FAM133B: variants seen among roughly 807,000 people sequenced by gnomAD.
FAM133B encodes the protein family with sequence similarity 133 member B.
Under a neutral mutation model 46.4 loss-of-function variants are expected in FAM133B, and 25 were observed. That is an observed-to-expected ratio of 0.54 (90% CI 0.39 to 0.75). The LOEUF (loss-of-function observed/expected upper bound fraction) is 0.75, where lower values mean the gene tolerates loss of function less well. Among genes scored for constraint, FAM133B ranks in the 30% least tolerant of loss-of-function variants. The pLI, the probability that FAM133B is intolerant of heterozygous loss-of-function variation, is 0.00. For missense variants in FAM133B, 205 were observed against 277.6 expected, an observed-to-expected ratio of 0.74 and a Z score of 1.86; for synonymous variants, 75 against 86.0, an observed-to-expected ratio of 0.87 and a Z score of 0.71.
intron 9 of FAM133B, among the ~76,000 whole-genome samples, chr7:92,567,562 C>G (rs975184257): frequency 1.3e-5 from 2 of 152,088 alleles, no homozygotes; most frequent in African/African-American, 4.8e-5. Context: ...CTCTCTTTAC[C>G]GAGCACCTAG....
intron 1 of FAM133B, chr7:92,581,846 T>C (rs1794886641): frequency 5.0e-6 from 2 of 401,996 alleles, no homozygotes; most frequent in African/African-American, 2.1e-5. Flanking sequence ...TACAAGAGAT[T>C]TGATGAAATA....
intron 8 of FAM133B, among the ~76,000 whole-genome samples, chr7:92,574,360 AG>A (rs1794628273): frequency 6.6e-6 from 1 of 152,248 alleles, no homozygotes; most frequent in African/African-American, 2.4e-5. Context: ...TGATAAATCC[AG>A]AATAGGCAAA....
chr7:92,567,485 TA>T (rs1017808314), intron 9 of FAM133B, among the ~76,000 whole-genome samples: 5 of 151,802 alleles, frequency 3.3e-5, no homozygotes, highest in African/African-American at 1.2e-4. Flanking sequence ...GCATGAGGAC[TA>T]AAAAAAATAT....
Position 92,577,724 on chromosome 7 carries a change from C to A in FAM133B, c.310-7G>T, listed in dbSNP as rs1794744533. 1 of 1,567,688 alleles carries A rather than the reference C, an allele frequency of 6.4e-7. No individual in the cohort carries two copies. Among genetic ancestry groups the A allele is most frequent in the Non-Finnish European group, 8.7e-7 (1 of 1,155,644 alleles). ...ATGAAGAAGAAGATGAATACTTGAC[C>A]AAGCACAAAACAATTAAAGCTTGTG... On this transcript the variant is annotated splice_region_variant and splice_polypyrimidine_tract_variant and intron_variant, in intron 5 of 10. Coordinates refer to ENST00000445716, the MANE Select transcript of FAM133B (RefSeq NM_152789.4).
At chr7:92,576,568 C>G (rs1794702936) in intron 7 of FAM133B, among the ~76,000 whole-genome samples, 1 of 152,146 alleles carries the variant, frequency 6.6e-6, no homozygotes, top group Non-Finnish European at 1.5e-5. Flanking sequence ...TCACACAGGG[C>G]ATCTGTTAAA....
In FAM133B at chr7:92,573,024, A is replaced by G. The variant is rs1794580219; in HGVS notation, c.516+2747T>C. ...TCTTCCCATTCCAGTAGGTATAACTAATTAAAAAAAAAAGAAACTCAATAT... is the reference window on the plus strand; with the variant it reads ...TCTTCCCATTCCAGTAGGTATAACTGATTAAAAAAAAAAGAAACTCAATAT... On this transcript the variant is annotated intron_variant, in intron 8 of 10. Coordinates refer to ENST00000445716, the MANE Select transcript of FAM133B (RefSeq NM_152789.4). Among the ~76,000 whole-genome samples, 5 of 152,176 alleles carry G rather than the reference A, an allele frequency of 3.3e-5. No individual in the cohort carries two copies. The South Asian group carries it at 1.0e-3, about 32-fold the overall frequency.
intron 1 of FAM133B, among the ~76,000 whole-genome samples, chr7:92,589,528 GATA>G (rs1795130347): frequency 6.6e-6 from 1 of 152,170 alleles, no homozygotes; most frequent in Admixed American, 6.5e-5. Context: ...TAAGGTTGTA[GATA>G]ATAATGATCC....
chr7:92,576,802 C>T (rs1221967499), intron 7 of FAM133B, among the ~76,000 whole-genome samples: 1 of 152,150 alleles, frequency 6.6e-6, no homozygotes, highest in Non-Finnish European at 1.5e-5. Context: ...ACTTTTAATT[C>T]TAATTCCAGC....
chr7:92,577,649 C>G lies in FAM133B; in HGVS notation c.372+6G>C. The G allele has an allele frequency of 6.3e-7, 1 of 1,575,106 alleles. No individual in the cohort carries two copies. The highest frequency in any genetic ancestry group is 8.6e-7 in the Non-Finnish European group (1 of 1,159,040). ...TATTTCATGAACCATTATAAGCAAA[C>G]CTTACCTCATCTTCAGAATCAGAAG... On this transcript the variant is annotated splice_donor_region_variant and intron_variant, in intron 6 of 10. Coordinates refer to ENST00000445716, the MANE Select transcript of FAM133B (RefSeq NM_152789.4).
chr7:92,578,282 G>A (rs755714312), intron 4 of FAM133B, 37 bp downstream of exon 4: 3 of 1,607,040 alleles, frequency 1.9e-6, no homozygotes, highest in South Asian at 1.1e-5. Flanking sequence ...ATCCAACTAT[G>A]AGATTAAGAA....
intron 1 of FAM133B, among the ~76,000 whole-genome samples, chr7:92,589,446 T>C (rs1331388556): frequency 1.3e-5 from 2 of 152,222 alleles, no homozygotes; most frequent in African/African-American, 4.8e-5. Flanking sequence ...TTTTATCTCA[T>C]TCACTAGAGT....
At chr7:92,575,645 A>G in intron 8 of FAM133B, 126 bp downstream of exon 8, 1 of 468,178 alleles carries the variant, frequency 2.1e-6, no homozygotes, top group East Asian at 3.6e-5. Flanking sequence ...ATTGCTTTAA[A>G]TTGAAACAAA....
chr7:92,579,264 C>A, intron 3 of FAM133B, 53 bp downstream of exon 3: 1 of 1,478,790 alleles, frequency 6.8e-7, no homozygotes, highest in East Asian at 2.3e-5. Flanking sequence ...TAGGTATGAG[C>A]CACCATAACT....
chr7:92,589,228 G>T (rs1795120158), intron 1 of FAM133B, among the ~76,000 whole-genome samples: 1 of 152,144 alleles, frequency 6.6e-6, no homozygotes, highest in South Asian at 2.1e-4. Flanking sequence ...TGCAACCTAA[G>T]CTTATTGTTA....
intron 10 of FAM133B, among the ~76,000 whole-genome samples, chr7:92,564,326 G>A (rs746719997): frequency 5.3e-5 from 8 of 152,008 alleles, no homozygotes; most frequent in Non-Finnish European, 4.4e-5. Context: ...TCTCTCTCAC[G>A]TATCATATTC....
rs1205730815 is a variant in FAM133B at position 92,585,178 on chromosome 7, G to T, written c.25-3575C>A. 4 of 187,704 alleles carry T rather than the reference G, an allele frequency of 2.1e-5. No individual in the cohort carries two copies. In the South Asian group the frequency reaches 5.5e-4, roughly 26 times the overall value. The allele number at this position is 187,704 out of a possible 1,614,324, so 11.6% of individuals were successfully genotyped here. A position where few individuals can be genotyped will look rare whatever the true frequency, so the allele number is the denominator to read the frequency against. On this transcript the variant is annotated intron_variant, in intron 1 of 10. Transcript: ENST00000445716. ...GGCTGCCAAATTATGCCCAAATAAG[G>T]CAAACTCAGAACTGCACCAATCAGG...
chr7:92,575,120 A>G (rs949948591), intron 8 of FAM133B, among the ~76,000 whole-genome samples: 1 of 152,186 alleles, frequency 6.6e-6, no homozygotes, highest in Non-Finnish European at 1.5e-5. Context: ...TAGTAAGAAG[A>G]TTTTTCAATA....
Position 92,562,167 on chromosome 7 carries a change from T to A in FAM133B, c.*115A>T, listed in dbSNP as rs1585291860. ...GAGTGGCTACTGAATAGTCCAGGAA[T>A]AATTCCAAAAACAAGAAAATTCATG... On this transcript the variant is annotated 3_prime_UTR_variant, in exon 11 of 11. Transcript: ENST00000445716. The A allele has an allele frequency of 1.5e-6, 2 of 1,323,630 alleles. No individual in the cohort carries two copies. The highest frequency in any genetic ancestry group is 2.0e-6 in the Non-Finnish European group (2 of 993,642). 82.0% of individuals were successfully genotyped at this position (1,323,630 alleles called of 1,614,324 possible).
At chr7:92,588,895 A>G (rs1033337483) in intron 1 of FAM133B, among the ~76,000 whole-genome samples, 1 of 152,210 alleles carries the variant, frequency 6.6e-6, no homozygotes, top group African/African-American at 2.4e-5. Flanking sequence ...CAGCTCCCTG[A>G]GGCCTCCCCA....
Sources: gnomAD v4.1 joint callset for allele counts (sites outside exome capture counted in the v4.1 genomes callset) on GRCh38, gnomAD v4.1.1 for gene constraint, MANE v1.5 for transcripts, NCBI Gene and HGNC (gene_info 2026-07-23, HGNC 2026-07-21) for gene names.